Variants in ABCA4 observed in about 807,000 individuals in gnomAD.
The protein encoded by ABCA4 is ATP binding cassette subfamily A member 4.
In ABCA4, 196 loss-of-function variants were observed where a neutral mutation model predicts 263.7. That is an observed-to-expected ratio of 0.74 (90% CI 0.66 to 0.84). The LOEUF (loss-of-function observed/expected upper bound fraction) is 0.84. Ranked by LOEUF, ABCA4 falls within the 40% of genes least tolerant of loss-of-function variation. The probability of loss-of-function intolerance (pLI) is 0.00; values close to 1 mark genes in which losing one functional copy is unlikely to be tolerated. For missense variants in ABCA4, 2,792 were observed against 2,855.1 expected, an observed-to-expected ratio of 0.98 and a Z score of 0.50; for synonymous variants, 1,133 against 1,094.2, an observed-to-expected ratio of 1.04 and a Z score of -0.70.
chr1:94,063,175 TG>T lies in ABCA4; in HGVS notation c.1696del (p.His566ThrfsTer2), dbSNP rs756623639. 1 of 1,614,106 alleles carries T rather than the reference TG, an allele frequency of 6.2e-7. No individual in the cohort carries two copies. The highest frequency in any genetic ancestry group is 1.1e-5 in the South Asian group (1 of 91,074). On this transcript the variant is annotated frameshift_variant, in exon 12 of 50. Coordinates refer to ENST00000370225, the MANE Select transcript of ABCA4 (RefSeq NM_000350.3). LOFTEE classifies it high-confidence loss of function. ...MYPWTSSLPP[H>X]VKYKIRMDID... ...GTCCATTCGGATCTTATACTTCACG[TG>T]GGGTGGTAGAGAGCTGGTCCAGGGA...
At chr1:94,046,094 C>T in intron 19 of ABCA4, 1 of 370,054 alleles carries the variant, frequency 2.7e-6, no homozygotes, top group South Asian at 2.0e-5. Flanking sequence ...TAACCCTCAT[C>T]AGCTGATGTT....
intron 26 of ABCA4, among the ~76,000 whole-genome samples, chr1:94,035,782 A>T (rs553979289): frequency 1.3e-5 from 2 of 152,296 alleles, no homozygotes; most frequent in Admixed American, 1.3e-4. Context: ...TTTGTGTGGC[A>T]GGTAACCCTT....
intron 6 of ABCA4, among the ~76,000 whole-genome samples, chr1:94,096,894 A>G (rs1442081233): frequency 6.6e-6 from 1 of 152,186 alleles, no homozygotes; most frequent in Non-Finnish European, 1.5e-5. Flanking sequence ...GCCCAGGTGC[A>G]CAGACATTGC....
rs983126626 is a variant in ABCA4, at chr1:94,013,059, G to A, written c.5460+1484C>T. 2.4e-4 allele frequency among the ~76,000 whole-genome samples: 37 copies of A among 152,194 alleles called. 1 individual carries two copies. The highest frequency in any genetic ancestry group is 8.9e-4 in the African/African-American group (37 of 41,442). On this transcript the variant is annotated intron_variant, in intron 38 of 49. Coordinates refer to ENST00000370225, the MANE Select transcript of ABCA4 (RefSeq NM_000350.3). ...TTGGCTAAATGGGTGCAGCCTCAGAGGGGAAAATGTTCTGAGTTGCTTTAA... is the reference window on the plus strand; with the variant it reads ...TTGGCTAAATGGGTGCAGCCTCAGAAGGGAAAATGTTCTGAGTTGCTTTAA...
At chr1:94,058,647 C>A (rs969329704) in intron 14 of ABCA4, among the ~76,000 whole-genome samples, 4 of 152,226 alleles carry the variant, frequency 2.6e-5, no homozygotes, top group Non-Finnish European at 2.9e-5. Context: ...CAGGCGTGAG[C>A]CACCACGCCC....
At chr1:94,095,486 C>A (rs900874216) in intron 6 of ABCA4, among the ~76,000 whole-genome samples, 1 of 152,160 alleles carries the variant, frequency 6.6e-6, no homozygotes, top group Admixed American at 6.5e-5. Flanking sequence ...AGAAACAGCC[C>A]AGAACAGAAG....
At chr1:94,096,725 A>G (rs1217786247) in intron 6 of ABCA4, among the ~76,000 whole-genome samples, 3 of 152,176 alleles carry the variant, frequency 2.0e-5, no homozygotes, top group East Asian at 1.9e-4. Flanking sequence ...TTACCCTACT[A>G]TCTCTGGCAT....
At chr1:94,083,107 T>C (rs1256184166) in intron 7 of ABCA4, among the ~76,000 whole-genome samples, 5 of 152,238 alleles carry the variant, frequency 3.3e-5, no homozygotes, top group Non-Finnish European at 7.3e-5. Context: ...ACCAGGCAAG[T>C]TGCTTATTGC....
chr1:94,021,577 A>G, intron 34 of ABCA4, 63 bp downstream of exon 34: 1 of 1,532,970 alleles, frequency 6.5e-7, no homozygotes, highest in Non-Finnish European at 9.0e-7. Context: ...AGGAAAGTAA[A>G]AATAAAATAA....
At chr1:94,071,275 C>T (rs979114611) in intron 11 of ABCA4, among the ~76,000 whole-genome samples, 1 of 152,234 alleles carries the variant, frequency 6.6e-6, no homozygotes, top group Non-Finnish European at 1.5e-5. Flanking sequence ...CATGCAAATG[C>T]ATGAATGACT....
intron 41 of ABCA4, 39 bp from the exon 42 acceptor site, chr1:94,008,336 G>A: frequency 6.2e-7 from 1 of 1,600,412 alleles, no homozygotes; most frequent in Non-Finnish European, 8.6e-7. Flanking sequence ...AACTGAGACA[G>A]GGTGAGAGCA....
chr1:94,037,404 T>C, intron 24 of ABCA4, 54 bp from the exon 25 acceptor site: 2 of 1,543,016 alleles, frequency 1.3e-6, no homozygotes, highest in Admixed American at 1.7e-5. Flanking sequence ...ACTGGAAGAC[T>C]GTGAGGTTAC....
chr1:94,042,723 T>C (rs1660525737), intron 22 of ABCA4, 38 bp downstream of exon 22: 1 of 1,613,882 alleles, frequency 6.2e-7, no homozygotes, highest in African/African-American at 1.3e-5. Context: ...AGGGCTGCAG[T>C]GAGAGCCCAG....
In ABCA4 at chr1:94,031,055, G is replaced by C; in HGVS notation, c.4194C>G (p.Gly1398=). 1 of 1,614,088 alleles carries C rather than the reference G, an allele frequency of 6.2e-7. No homozygotes were observed. The highest frequency in any genetic ancestry group is 8.5e-7 in the Non-Finnish European group (1 of 1,179,992). Residue 1398 remains glycine, a synonymous_variant, in exon 28 of 50, where the codon GGC becomes GGG. Transcript: ENST00000370225. The stretch of plus-strand genomic sequence containing the variant: ...GGTGAAGGGTCAAAGCGGGGTATTC[G>C]CCAAAAGGAGGGATAACAATAGAAA... The part of the protein sequence containing the change: ...LMLSIVIPPF[G]EYPALTLHPW...
chr1:94,040,228 A>C, intron 23 of ABCA4, 101 bp from the exon 24 acceptor site: 9 of 937,370 alleles, frequency 9.6e-6, no homozygotes, highest in Non-Finnish European at 1.5e-5. Flanking sequence ...TTTATTTCTC[A>C]CTGCCAAGTG....
intron 30 of ABCA4, among the ~76,000 whole-genome samples, chr1:94,025,338 C>A (rs1370167848): frequency 6.6e-6 from 1 of 152,232 alleles, no homozygotes; most frequent in Non-Finnish European, 1.5e-5. Context: ...CAAGCCACCA[C>A]CTAGACCACT....
chr1:94,066,149 A>G (rs1199664572), intron 11 of ABCA4, among the ~76,000 whole-genome samples: 1 of 152,220 alleles, frequency 6.6e-6, no homozygotes, highest in African/African-American at 2.4e-5. Flanking sequence ...GGCATCTAAT[A>G]TGTAGACTGT....
chr1:94,115,362 A>C (rs1662731320), intron 1 of ABCA4, among the ~76,000 whole-genome samples: 1 of 152,162 alleles, frequency 6.6e-6, no homozygotes. Context: ...TTAAACACTG[A>C]TGCTGATTTG....
rs1231026114 is a variant in ABCA4, at chr1:94,112,955, C to T, written c.160+18G>A. 6.2e-7 allele frequency: 1 copy of T among 1,604,558 alleles called. No homozygotes were observed. The highest frequency in any genetic ancestry group is 2.2e-5 in the East Asian group (1 of 44,838). ...AAAGTCTCTTCAGGGCTTGCCCAAG[C>T]TACCCTGCTATGCTTACATTCATGA... On this transcript the variant is annotated intron_variant, in intron 2 of 49. Transcript: ENST00000370225.
Sources: allele counts gnomAD v4.1 joint callset (sites outside exome capture counted in the v4.1 genomes callset), GRCh38; gene constraint gnomAD v4.1.1; transcripts MANE v1.5; gene names NCBI Gene and HGNC (gene_info 2026-07-23, HGNC 2026-07-21).